Variants in ALX1 observed in about 807,000 individuals in gnomAD.
The protein encoded by ALX1 is ALX homeobox 1, also known as ALX homeobox protein 1.
ALX1 carries 19 observed loss-of-function variants against 31.7 expected under a neutral mutation model. The observed-to-expected ratio is 0.60, with a 90% CI of 0.42 to 0.88. The LOEUF is 0.88. Among genes scored for constraint, ALX1 ranks in the 40% least tolerant of loss-of-function variants. The pLI, the probability that ALX1 is intolerant of heterozygous loss-of-function variation, is 0.00. For missense variants in ALX1, 415 were observed against 407.8 expected (o/e 1.02, Z -0.15); for synonymous variants, 153 against 148.8 (o/e 1.03, Z -0.20).
intron 3 of ALX1, among the ~76,000 whole-genome samples, chr12:85,288,341 T>C (rs1348055044): frequency 6.6e-6 from 1 of 151,584 alleles, no homozygotes; most frequent in Non-Finnish European, 1.5e-5. Flanking sequence ...ATCTTGTTTC[T>C]CTTTTAAAAT....
At chr12:85,284,165 G>C (rs1896717920) in intron 2 of ALX1, among the ~76,000 whole-genome samples, 1 of 149,130 alleles carries the variant, frequency 6.7e-6, no homozygotes, top group Non-Finnish European at 1.5e-5. Context: ...TTCAAAAGCA[G>C]TTTTTAAAGG....
At chr12:85,282,884 G>A (rs1227288306) in intron 1 of ALX1, among the ~76,000 whole-genome samples, 1 of 146,264 alleles carries the variant, frequency 6.8e-6, no homozygotes, top group Non-Finnish European at 1.5e-5. Flanking sequence ...AAAGAACTGC[G>A]TAAGTTTTTA....
At chr12:85,293,019 C>T (rs900168155) in intron 3 of ALX1, among the ~76,000 whole-genome samples, 5 of 150,558 alleles carry the variant, frequency 3.3e-5, no homozygotes, top group Non-Finnish European at 6.0e-5. Context: ...AATGAATGGT[C>T]ATACAATGAT....
intron 1 of ALX1, among the ~76,000 whole-genome samples, chr12:85,282,941 G>C (rs1323197207): frequency 6.6e-6 from 1 of 151,792 alleles, no homozygotes; most frequent in Non-Finnish European, 1.5e-5. Flanking sequence ...GATAGAAAGC[G>C]TATTCAAAAT....
intron 3 of ALX1, among the ~76,000 whole-genome samples, chr12:85,298,212 T>C (rs1896914256): frequency 6.6e-6 from 1 of 151,712 alleles, no homozygotes; most frequent in Non-Finnish European, 1.5e-5. Flanking sequence ...ACCTCCACCA[T>C]TGGAACTATG....
At chr12:85,284,177 T>C (rs1048697170) in intron 2 of ALX1, among the ~76,000 whole-genome samples, 1 of 150,714 alleles carries the variant, frequency 6.6e-6, no homozygotes, top group African/African-American at 2.4e-5. Flanking sequence ...TTTTAAAGGA[T>C]GAAAAGCAGA....
chr12:85,294,264 T>TTCA (rs1371308052), intron 3 of ALX1, among the ~76,000 whole-genome samples: 1 of 151,102 alleles, frequency 6.6e-6, no homozygotes, highest in Non-Finnish European at 1.5e-5. Flanking sequence ...ATAGGATAAT[T>TTCA]TCATCACTAA....
intron 3 of ALX1, 36 bp from the exon 4 acceptor site, chr12:85,301,119 A>G (rs751134466): frequency 6.2e-7 from 1 of 1,608,206 alleles, no homozygotes; most frequent in East Asian, 2.2e-5. Flanking sequence ...AAGTGAGAAC[A>G]TGTAAATGTA....
chr12:85,289,685 T>C (rs993816845), intron 3 of ALX1, among the ~76,000 whole-genome samples: 5 of 151,248 alleles, frequency 3.3e-5, no homozygotes, highest in African/African-American at 1.2e-4. Context: ...AATCATTTAA[T>C]GTTTGGTTAC....
At chr12:85,292,771 T>C (rs909491815) in intron 3 of ALX1, among the ~76,000 whole-genome samples, 1 of 150,974 alleles carries the variant, frequency 6.6e-6, no homozygotes, top group Admixed American at 6.6e-5. Context: ...ATCTTAATGG[T>C]TGTCTTAACT....
chr12:85,297,707 T>C (rs1896908276), intron 3 of ALX1, among the ~76,000 whole-genome samples: 1 of 151,622 alleles, frequency 6.6e-6, no homozygotes, highest in African/African-American at 2.4e-5. Flanking sequence ...TGTATTTTAT[T>C]ACTATTATTT....
intron 1 of ALX1, 109 bp from the exon 2 acceptor site, chr12:85,283,463 A>G (rs765504793): frequency 3.5e-5 from 40 of 1,137,820 alleles, no homozygotes; most frequent in Non-Finnish European, 5.1e-5. Context: ...AGCACAATAA[A>G]TTATTAATAG....
At chr12:85,293,882 A>G (rs939827061) in intron 3 of ALX1, among the ~76,000 whole-genome samples, 1 of 151,210 alleles carries the variant, frequency 6.6e-6, no homozygotes, top group Non-Finnish European at 1.5e-5. Context: ...ACTTTAATCC[A>G]GAATTATATG....
chr12:85,281,960 A>G (rs1896679937), intron 1 of ALX1, among the ~76,000 whole-genome samples: 1 of 152,212 alleles, frequency 6.6e-6, no homozygotes, highest in African/African-American at 2.4e-5. Context: ...ATGCGTTATC[A>G]ACTTTTAAAC....
intron 3 of ALX1, among the ~76,000 whole-genome samples, chr12:85,300,833 G>A (rs897733144): frequency 2.0e-5 from 3 of 151,872 alleles, no homozygotes; most frequent in African/African-American, 4.8e-5. Flanking sequence ...TTTTCTAATC[G>A]TATGAATTGG....
At chr12:85,282,844 CTA>C (rs1265003135) in intron 1 of ALX1, among the ~76,000 whole-genome samples, 1 of 151,634 alleles carries the variant, frequency 6.6e-6, no homozygotes, top group Non-Finnish European at 1.5e-5. Flanking sequence ...ACTTATCTAA[CTA>C]GCTAAGCAGA....
At chr12:85,297,921 T>G (rs1408765362) in intron 3 of ALX1, among the ~76,000 whole-genome samples, 2 of 151,706 alleles carry the variant, frequency 1.3e-5, no homozygotes, top group African/African-American at 4.8e-5. Context: ...ACAAAAATTT[T>G]GATATATTAA....
chr12:85,286,923 G>T lies in ALX1; in HGVS notation c.602G>T (p.Ser201Ile), dbSNP rs772128403. ...ERYGQIQQAKSHFAATYDISV... is the reference protein window; with the variant it reads ...ERYGQIQQAKIHFAATYDISV... ...TATGGCCAAATACAACAAGCGAAAA[G>T]CCATTTTGCTGCCACCTATGATATA... is the stretch of plus-strand genomic sequence containing the variant. Residue 201 changes from serine to isoleucine, a missense_variant, in exon 3 of 4, where the codon AGC becomes ATC. Ser to Ile is a moderately radical substitution (Grantham distance 142). Coordinates refer to ENST00000316824, the MANE Select transcript of ALX1 (RefSeq NM_006982.3). 1 of 1,612,288 alleles carries T rather than the reference G, an allele frequency of 6.2e-7. No individual in the cohort carries two copies. Among genetic ancestry groups the T allele is most frequent in the Non-Finnish European group, 8.5e-7 (1 of 1,178,726 alleles).
chr12:85,287,311 T>C (rs1023347909), intron 3 of ALX1, among the ~76,000 whole-genome samples: 5 of 151,786 alleles, frequency 3.3e-5, no homozygotes, highest in Admixed American at 3.3e-4. Context: ...TTCCTTTTGT[T>C]AACTTTTAAA....
Sources: allele counts gnomAD v4.1 joint callset (sites outside exome capture counted in the v4.1 genomes callset), GRCh38; gene constraint gnomAD v4.1.1; transcripts MANE v1.5; gene names NCBI Gene and HGNC (gene_info 2026-07-23, HGNC 2026-07-21).